Variants in PTPRD observed in about 807,000 individuals in gnomAD.
PTPRD encodes the protein receptor-type tyrosine-protein phosphatase delta.
In PTPRD, 34 loss-of-function variants were observed where a neutral mutation model predicts 214.5. The ratio of observed to expected loss-of-function variants is 0.16; its 90% CI spans 0.12 to 0.21. PTPRD has a LOEUF of 0.21. PTPRD is among the 10% of genes least tolerant of loss of function. PTPRD has a pLI of 1.00. For synonymous variants in PTPRD, 1,128 were observed against 845.7 expected (o/e 1.33, Z -5.79); for missense variants, 2,545 against 2,398.7 (o/e 1.06, Z -1.27).
chr9:9,130,143 G>T (rs10114236), intron 10 of PTPRD, among the ~76,000 whole-genome samples: 5,166 of 152,108 alleles, frequency 0.034, 190 homozygotes, highest in African/African-American at 0.076. Context: ...ATTTTCAGGG[G>T]GGCTTGGGCA....
chr9:8,329,077 G>C (rs568288715), intron 44 of PTPRD, among the ~76,000 whole-genome samples: 1 of 152,050 alleles, frequency 6.6e-6, no homozygotes, highest in Admixed American at 6.5e-5. Context: ...CCTTGCTGGC[G>C]AGGAGTTGTG....
At chr9:9,936,103 T>A in intron 5 of PTPRD, among the ~76,000 whole-genome samples, 2 of 146,092 alleles carry the variant, frequency 1.4e-5, no homozygotes, top group African/African-American at 5.5e-5. Flanking sequence ...ACTTAAACGT[T>A]CGACCTAAAA....
chr9:10,165,136 A>C (rs75460615), intron 3 of PTPRD, among the ~76,000 whole-genome samples: 2,238 of 151,858 alleles, frequency 0.015, 53 homozygotes, highest in African/African-American at 0.049. Context: ...TCTCGATGGA[A>C]TAGCTCACAG....
intron 3 of PTPRD, among the ~76,000 whole-genome samples, chr9:10,245,362 A>T (rs1049945285): frequency 7.2e-5 from 11 of 152,200 alleles, no homozygotes; most frequent in African/African-American, 2.7e-4. Flanking sequence ...GTATTGAATA[A>T]TTAAGAGTAT....
chr9:8,643,299 C>G (rs1314846530), intron 12 of PTPRD, among the ~76,000 whole-genome samples: 1 of 151,448 alleles, frequency 6.6e-6, no homozygotes, highest in Non-Finnish European at 1.5e-5. Flanking sequence ...ATCATTACTC[C>G]TATTTTATAG....
chr9:9,820,558 A>T (rs1255210836), intron 5 of PTPRD, among the ~76,000 whole-genome samples: 1 of 152,008 alleles, frequency 6.6e-6, no homozygotes, highest in Non-Finnish European at 1.5e-5. Context: ...ATTCTTTCCC[A>T]AGGCCCCTGT....
chr9:10,308,774 C>T (rs1393743901), intron 3 of PTPRD, among the ~76,000 whole-genome samples: 4 of 152,022 alleles, frequency 2.6e-5, no homozygotes, highest in Admixed American at 6.6e-5. Context: ...TTTTTCACCT[C>T]CTCAAGCAGT....
At chr9:8,868,637 T>G (rs768282622) in intron 11 of PTPRD, among the ~76,000 whole-genome samples, 1 of 152,208 alleles carries the variant, frequency 6.6e-6, no homozygotes, top group East Asian at 1.9e-4. Flanking sequence ...GTTTCTTTTT[T>G]TTCTCCCAGC....
intron 7 of PTPRD, among the ~76,000 whole-genome samples, chr9:9,584,754 A>T (rs909978353): frequency 6.6e-6 from 1 of 151,892 alleles, no homozygotes; most frequent in African/African-American, 2.4e-5. Context: ...TTCTAATGAC[A>T]ACAAATTTCT....
intron 10 of PTPRD, among the ~76,000 whole-genome samples, chr9:9,176,224 A>G (rs74574585): frequency 0.015 from 2,245 of 152,268 alleles, 59 homozygotes; most frequent in African/African-American, 0.052. Flanking sequence ...TGCCACCTAT[A>G]ATTGAATGTG....
intron 9 of PTPRD, among the ~76,000 whole-genome samples, chr9:9,217,534 T>A (rs1480874210): frequency 1.3e-5 from 2 of 152,134 alleles, no homozygotes; most frequent in African/African-American, 2.4e-5. Flanking sequence ...TGGGAGTATA[T>A]TGGCTATGTC....
chr9:8,355,845 A>G (rs2076853702), intron 39 of PTPRD, among the ~76,000 whole-genome samples: 1 of 152,218 alleles, frequency 6.6e-6, no homozygotes, highest in African/African-American at 2.4e-5. Context: ...TTCTAAAGCC[A>G]TGCTGATATG....
intron 12 of PTPRD, among the ~76,000 whole-genome samples, chr9:8,690,679 G>C (rs2154381448): frequency 6.6e-6 from 1 of 152,180 alleles, no homozygotes; most frequent in African/African-American, 2.4e-5. Context: ...GTAGGTAACT[G>C]ACAGAGGGGG....
intron 8 of PTPRD, among the ~76,000 whole-genome samples, chr9:9,570,093 T>A (rs1285579311): frequency 2.0e-5 from 3 of 151,572 alleles, no homozygotes; most frequent in African/African-American, 7.2e-5. Flanking sequence ...AATTCATTAT[T>A]GAATAGGAAG....
intron 5 of PTPRD, among the ~76,000 whole-genome samples, chr9:9,774,064 C>A (rs991304628): frequency 1.3e-5 from 2 of 152,170 alleles, no homozygotes; most frequent in African/African-American, 4.8e-5. Context: ...TCTGCCTTTG[C>A]ACTAAGGTCT....
At chr9:8,464,178 T>C (rs2096491841) in intron 32 of PTPRD, among the ~76,000 whole-genome samples, 1 of 151,968 alleles carries the variant, frequency 6.6e-6, no homozygotes. Flanking sequence ...ATGAGATTTC[T>C]CTTCTTTGCT....
chr9:8,772,233 C>A (rs1268886744), intron 11 of PTPRD, among the ~76,000 whole-genome samples: 1 of 152,066 alleles, frequency 6.6e-6, no homozygotes, highest in East Asian at 1.9e-4. Flanking sequence ...GTTTCAAGTT[C>A]ATTAACCTTT....
intron 3 of PTPRD, among the ~76,000 whole-genome samples, chr9:10,167,036 G>C (rs2099163418): frequency 6.6e-6 from 1 of 151,774 alleles, no homozygotes; most frequent in African/African-American, 2.4e-5. Flanking sequence ...TTGTTATTAA[G>C]CATTCAAAAT....
chr9:10,083,689 T>C (rs1026270510), intron 3 of PTPRD, among the ~76,000 whole-genome samples: 1 of 151,948 alleles, frequency 6.6e-6, no homozygotes, highest in African/African-American at 2.4e-5. Context: ...GCACCAGAGA[T>C]GAGCTTTGTG....
Sources: gnomAD v4.1 joint callset for allele counts (sites outside exome capture counted in the v4.1 genomes callset) on GRCh38, gnomAD v4.1.1 for gene constraint, MANE v1.5 for transcripts, NCBI Gene and HGNC (gene_info 2026-07-23, HGNC 2026-07-21) for gene names.